Variants in ZFHX3 observed in about 807,000 individuals in gnomAD.
ZFHX3 encodes the protein zinc finger homeobox protein 3.
Under a neutral mutation model 279.1 loss-of-function variants are expected in ZFHX3, and 42 were observed. The ratio of observed to expected loss-of-function variants is 0.15; its 90% CI spans 0.12 to 0.19. The LOEUF is 0.19. Ranked by LOEUF, ZFHX3 falls within the 10% of genes least tolerant of loss-of-function variation. ZFHX3 has a pLI of 1.00. For synonymous variants in ZFHX3, 2,293 were observed against 1,957.8 expected (o/e 1.17, Z -4.52); for missense variants, 4,981 against 4,754.0 (o/e 1.05, Z -1.40).
intron 3 of ZFHX3, among the ~76,000 whole-genome samples, chr16:73,391,341 G>C (rs1416316104): frequency 1.3e-5 from 2 of 151,886 alleles, no homozygotes; most frequent in African/African-American, 4.8e-5. Context: ...TGTAATCCCA[G>C]CTACTCAGGA....
intron 4 of ZFHX3, among the ~76,000 whole-genome samples, chr16:73,315,243 G>A (rs12716873): frequency 0.78 from 117,380 of 151,244 alleles, 46,100 homozygotes; most frequent in African/African-American, 0.87. Flanking sequence ...AGAAAAAAGA[G>A]CATTTAATAT....
intron 4 of ZFHX3, among the ~76,000 whole-genome samples, chr16:73,268,776 G>C (rs1366517091): frequency 1.3e-5 from 2 of 152,174 alleles, no homozygotes; most frequent in Admixed American, 1.3e-4. Context: ...TAACCATGGA[G>C]ACCCAGGGGA....
intron 5 of ZFHX3, among the ~76,000 whole-genome samples, chr16:73,171,451 A>T (rs1967520846): frequency 1.6e-5 from 2 of 127,420 alleles, no homozygotes; most frequent in African/African-American, 5.9e-5. Flanking sequence ...TGAATGTGTA[A>T]ATCCACAGTT....
chr16:73,697,615 C>A (rs1284890200), intron 1 of ZFHX3, among the ~76,000 whole-genome samples: 1 of 152,120 alleles, frequency 6.6e-6, no homozygotes, highest in Non-Finnish European at 1.5e-5. Flanking sequence ...ACCCAAGAAT[C>A]AAGACTTGGC....
intron 4 of ZFHX3, among the ~76,000 whole-genome samples, chr16:72,842,637 C>T (rs542308904): frequency 5.3e-5 from 8 of 151,860 alleles, no homozygotes; most frequent in Middle Eastern, 3.4e-3. Context: ...AGGAGGAGGT[C>T]GGAGGAAGGA....
At chr16:73,878,311 G>A (rs996373746) in intron 1 of ZFHX3, among the ~76,000 whole-genome samples, 1 of 152,058 alleles carries the variant, frequency 6.6e-6, no homozygotes, top group Non-Finnish European at 1.5e-5. Flanking sequence ...ATGAAACCGA[G>A]AGGTGATTAC....
chr16:72,808,469 ACT>A (rs2036338078), intron 7 of ZFHX3, among the ~76,000 whole-genome samples: 1 of 151,938 alleles, frequency 6.6e-6, no homozygotes, highest in African/African-American at 2.4e-5. Flanking sequence ...CAAAGAGAAA[ACT>A]CATCCTTGCA....
chr16:73,326,230 T>C (rs890831752), intron 3 of ZFHX3, among the ~76,000 whole-genome samples: 3 of 152,132 alleles, frequency 2.0e-5, no homozygotes, highest in African/African-American at 7.2e-5. Flanking sequence ...TAATATATCA[T>C]ATGCAACGGC....
At chr16:73,559,877 G>C (rs1196981845) in intron 2 of ZFHX3, among the ~76,000 whole-genome samples, 18 of 152,212 alleles carry the variant, frequency 1.2e-4, no homozygotes, top group Non-Finnish European at 1.5e-5. Flanking sequence ...TGTCAGGCCT[G>C]AGCCTAGGAC....
chr16:73,707,516 C>T (rs957656240), intron 1 of ZFHX3, among the ~76,000 whole-genome samples: 1 of 144,550 alleles, frequency 6.9e-6, no homozygotes, highest in African/African-American at 2.6e-5. Context: ...CGCATGTTCT[C>T]ACTCATAGGT....
At chr16:73,890,285 T>G (rs1240793787) in intron 1 of ZFHX3, among the ~76,000 whole-genome samples, 1 of 151,172 alleles carries the variant, frequency 6.6e-6, no homozygotes, top group Non-Finnish European at 1.5e-5. Context: ...CTTCTTCCCC[T>G]TTTACAACGA....
intron 4 of ZFHX3, among the ~76,000 whole-genome samples, chr16:73,309,018 T>A (rs943328593): frequency 6.6e-6 from 1 of 151,978 alleles, no homozygotes; most frequent in Non-Finnish European, 1.5e-5. Flanking sequence ...CAAGAAAGGG[T>A]GTTCCAAGAT....
chr16:73,352,548 C>T lies in ZFHX3; in HGVS notation c.-1290-34212G>A, dbSNP rs111385450. Among the ~76,000 whole-genome samples, 42 of 141,596 alleles carry T rather than the reference C, an allele frequency of 3.0e-4. No individual in the cohort carries two copies. In the East Asian group the frequency reaches 5.7e-3, roughly 19 times the overall value. 92.9% of individuals were successfully genotyped at this position (141,596 alleles called of 152,430 possible). A position where few individuals can be genotyped will look rare whatever the true frequency, so the allele number is the denominator to read the frequency against. ...GGCTGGAGGGCACCAGGCAAGATCA[C>T]GACTCACTGCAATCTCTGCCTCCCG... is the stretch of plus-strand genomic sequence containing the variant. On this transcript the variant is annotated intron_variant, in intron 3 of 17. Transcript: ENST00000641206.
Position 72,959,217 on chromosome 16 carries a change from C to T in ZFHX3, c.929G>A (p.Ser310Asn). Residue 310 changes from serine (S) to asparagine (N), a missense_variant, in exon 2 of 10, where the codon AGC becomes AAC. By Grantham distance (46) the Ser-to-Asn change is conservative (BLOSUM62 1). This residue lies in a region of ZFHX3 where 1,068 missense variants were observed against 935.2 expected (regional missense o/e 1.14). Coordinates refer to ENST00000268489, the MANE Select transcript of ZFHX3 (RefSeq NM_006885.4). The part of the protein sequence containing the change: ...HAVHDHRMTL[S>N]EDERKILSNK... ...GCTAAGAATTTTCCGCTCGTCTTCG[C>T]TCAGGGTCATTCGATGGTCATGCAC... 1 of 1,614,166 alleles carries T rather than the reference C, an allele frequency of 6.2e-7. No homozygotes were observed. Among genetic ancestry groups the T allele is most frequent in the Non-Finnish European group, 8.5e-7 (1 of 1,180,028 alleles).
intron 1 of ZFHX3, among the ~76,000 whole-genome samples, chr16:73,855,735 T>A (rs186046986): frequency 4.9e-4 from 75 of 152,248 alleles, no homozygotes; most frequent in Non-Finnish European, 8.4e-4. Flanking sequence ...ATAAGCTACA[T>A]GTGGAAAATG....
At chr16:73,362,302 C>T (rs72799419) in intron 3 of ZFHX3, among the ~76,000 whole-genome samples, 15,618 of 152,250 alleles carry the variant, frequency 0.1, 864 homozygotes, top group Non-Finnish European at 0.13. Flanking sequence ...CCCCCATTAT[C>T]TACTTTGGAA....
At chr16:73,706,989 T>C (rs1332905723) in intron 1 of ZFHX3, among the ~76,000 whole-genome samples, 1 of 152,238 alleles carries the variant, frequency 6.6e-6, no homozygotes, top group Non-Finnish European at 1.5e-5. Context: ...AATCAATGTT[T>C]TGTGTTTTTA....
chr16:73,141,351 T>C (rs565981590), intron 6 of ZFHX3, among the ~76,000 whole-genome samples: 16 of 152,340 alleles, frequency 1.1e-4, no homozygotes, highest in African/African-American at 3.1e-4. Context: ...GTTGCTGATA[T>C]TTGACTGATC....
chr16:73,446,162 G>T (rs2018181942), intron 3 of ZFHX3, among the ~76,000 whole-genome samples: 1 of 152,312 alleles, frequency 6.6e-6, no homozygotes, highest in Non-Finnish European at 1.5e-5. Context: ...AGGGGGAAAT[G>T]GTGGAGTACA....
Sources: allele counts gnomAD v4.1 joint callset (sites outside exome capture counted in the v4.1 genomes callset), GRCh38; gene constraint gnomAD v4.1.1; regional missense constraint gnomAD v4.1.1; transcripts MANE v1.5; gene names NCBI Gene and HGNC (gene_info 2026-07-23, HGNC 2026-07-21).